TCEA3: variants seen among roughly 807,000 people sequenced by gnomAD.
TCEA3 encodes the protein transcription elongation factor A3.
In TCEA3, 36 loss-of-function variants were observed where a neutral mutation model predicts 44.0. That is an observed-to-expected ratio of 0.82 (90% CI 0.63 to 1.08). The LOEUF is 1.08. Ranked by LOEUF, TCEA3 falls within the 50% of genes least tolerant of loss-of-function variation. The pLI is 0.00. For missense variants in TCEA3, 392 were observed against 441.2 expected, an observed-to-expected ratio of 0.89 and a Z score of 1.00; for synonymous variants, 162 against 159.7, an observed-to-expected ratio of 1.01 and a Z score of -0.11.
At chr1:23,402,919 T>C (rs1470792271) in intron 5 of TCEA3, among the ~76,000 whole-genome samples, 1 of 151,614 alleles carries the variant, frequency 6.6e-6, no homozygotes, top group East Asian at 1.9e-4. Flanking sequence ...ACCCAGAGGG[T>C]CCCCCAGGGC....
chr1:23,420,102 T>G (rs983428403), intron 1 of TCEA3, among the ~76,000 whole-genome samples: 2 of 152,226 alleles, frequency 1.3e-5, no homozygotes, highest in African/African-American at 4.8e-5. Flanking sequence ...AAGGATTTTA[T>G]GTAAAGAGTA....
At position 23,399,700 on chromosome 1, in the gene TCEA3, C is replaced by T. The variant is rs111745030; in HGVS notation, c.444-1745G>A. ...TTTTTTTTTTTGAGAGGGTGTCTCA[C>T]TCTGTCATCCAGGCTGCCAGGCTGG... On this transcript the variant is annotated intron_variant, in intron 5 of 10. Coordinates refer to ENST00000450454, the MANE Select transcript of TCEA3 (RefSeq NM_003196.3). Among the ~76,000 whole-genome samples, 1,444 of 148,836 alleles carry T rather than the reference C, an allele frequency of 9.7e-3. 30 individuals carry two copies. Among genetic ancestry groups the T allele is most frequent in the African/African-American group, 0.033 (1,341 of 40,160 alleles).
chr1:23,392,402 ACAT>A (rs878859196), intron 8 of TCEA3, among the ~76,000 whole-genome samples: 16 of 2,962 alleles, frequency 5.4e-3, no homozygotes, highest in East Asian at 0.015. Flanking sequence ...CACACTCCAC[ACAT>A]CATCATGCAC....
At chr1:23,423,983 A>G in intron 1 of TCEA3, 1 of 379,592 alleles carries the variant, frequency 2.6e-6, no homozygotes, top group Non-Finnish European at 5.1e-6. Context: ...GCCGCACCCC[A>G]AGGCCAAGGA....
intron 5 of TCEA3, among the ~76,000 whole-genome samples, chr1:23,405,167 C>T (rs1432365092): frequency 6.6e-6 from 1 of 152,058 alleles, no homozygotes; most frequent in African/African-American, 2.4e-5. Flanking sequence ...GCTCTTGATC[C>T]CCAGAGAATG....
At chr1:23,407,897 A>AC (rs1558056125) in intron 5 of TCEA3, among the ~76,000 whole-genome samples, 1 of 152,086 alleles carries the variant, frequency 6.6e-6, no homozygotes, top group Non-Finnish European at 1.5e-5. Context: ...CCAAATCCAG[A>AC]GAGAGCCCAT....
intron 7 of TCEA3, among the ~76,000 whole-genome samples, chr1:23,396,525 G>A (rs1470310881): frequency 6.6e-6 from 1 of 152,064 alleles, no homozygotes; most frequent in African/African-American, 2.4e-5. Context: ...CACATGGAAA[G>A]GATTCAATAC....
At chr1:23,399,136 GTATATATGTATATATATA>G (rs1350403041) in intron 5 of TCEA3, among the ~76,000 whole-genome samples, 4 of 58,688 alleles carry the variant, frequency 6.8e-5, no homozygotes, top group Admixed American at 2.4e-4. Context: ...TTATATATAT[GTATATATGTATATATATA>G]TATATATATA....
chr1:23,423,277 T>A (rs1640118189), intron 1 of TCEA3, among the ~76,000 whole-genome samples: 1 of 152,186 alleles, frequency 6.6e-6, no homozygotes, highest in South Asian at 2.1e-4. Context: ...CAAGCACAGG[T>A]CTGAGTCCTA....
At chr1:23,382,067 A>G (rs1255533847) in intron 10 of TCEA3, among the ~76,000 whole-genome samples, 1 of 118,698 alleles carries the variant, frequency 8.4e-6, no homozygotes, top group Non-Finnish European at 1.9e-5. Context: ...TTTTTTTTTG[A>G]AACGGAGTTT....
At chr1:23,401,015 G>C (rs1639381472) in intron 5 of TCEA3, among the ~76,000 whole-genome samples, 1 of 152,192 alleles carries the variant, frequency 6.6e-6, no homozygotes, top group Non-Finnish European at 1.5e-5. Context: ...TTGTGTCTGA[G>C]AGTGAGGCTA....
chr1:23,417,325 C>CT lies in TCEA3; in HGVS notation c.303dup (p.Gly102ArgfsTer3). On this transcript the variant is annotated frameshift_variant, in exon 4 of 11. Transcript: ENST00000450454. LOFTEE classifies it high-confidence loss of function. ...GGCTTCCAGTCTGAACACTCAAGCC[C>CT]TTTTTCCTTCTTCTTTGCCTTTTCT... is the stretch of plus-strand genomic sequence containing the variant. 6.2e-7 allele frequency: 1 copy of CT among 1,614,006 alleles called. No individual in the cohort carries two copies. Among genetic ancestry groups the CT allele is most frequent in the South Asian group, 1.1e-5 (1 of 91,082 alleles).
At chr1:23,383,713 C>A (rs1488003609) in intron 10 of TCEA3, 1 of 985,366 alleles carries the variant, frequency 1.0e-6, no homozygotes, top group Non-Finnish European at 1.2e-6. Context: ...TGGAAACTGA[C>A]AATAGGCACG....
intron 5 of TCEA3, among the ~76,000 whole-genome samples, chr1:23,399,489 G>A (rs1787644): frequency 6.6e-6 from 1 of 151,834 alleles, no homozygotes. Context: ...AGTCACAATG[G>A]GGTTTGGGAT....
intron 5 of TCEA3, chr1:23,403,831 G>A: frequency 2.1e-6 from 1 of 465,438 alleles, no homozygotes; most frequent in South Asian, 3.0e-5. Flanking sequence ...TTCCTGGCAG[G>A]GCACACCCAG....
intron 9 of TCEA3, among the ~76,000 whole-genome samples, chr1:23,385,622 C>T (rs1028327022): frequency 2.0e-5 from 3 of 152,200 alleles, no homozygotes; most frequent in Non-Finnish European, 2.9e-5. Flanking sequence ...GCCGAACAGA[C>T]GGAGAACTCT....
intron 4 of TCEA3, chr1:23,412,204 A>ATAGTT (rs1251949413): frequency 6.6e-6 from 1 of 152,180 alleles, no homozygotes; most frequent in Non-Finnish European, 1.5e-5. Context: ...TTTCCAAATC[A>ATAGTT]CGTATAATCT....
intron 4 of TCEA3, among the ~76,000 whole-genome samples, chr1:23,416,654 G>A (rs906323151): frequency 2.6e-5 from 4 of 151,958 alleles, no homozygotes; most frequent in Non-Finnish European, 5.9e-5. Context: ...ACCATGCCTG[G>A]CTAATTTTTG....
chr1:23,394,101 G>A (rs995272681), intron 7 of TCEA3, 68 bp from the exon 8 acceptor site: 17 of 1,564,660 alleles, frequency 1.1e-5, no homozygotes, highest in South Asian at 2.3e-5. Context: ...TGGCCCTGAC[G>A]CCTGAGAGCT....
Sources: allele counts gnomAD v4.1 joint callset (sites outside exome capture counted in the v4.1 genomes callset), GRCh38; gene constraint gnomAD v4.1.1; transcripts MANE v1.5; gene names NCBI Gene and HGNC (gene_info 2026-07-23, HGNC 2026-07-21).